The following CDKL5 variants were observed in gnomAD, a reference collection of about 807,000 sequenced individuals.
CDKL5 encodes cyclin dependent kinase like 5, also known as cyclin-dependent kinase-like 5.
CDKL5 carries 8 observed loss-of-function variants against 61.7 expected under a neutral mutation model. That is an observed-to-expected ratio of 0.13 (90% CI 0.08 to 0.23). CDKL5 has a LOEUF of 0.23. CDKL5 is among the 10% of genes least tolerant of loss of function. The pLI is 1.00. For synonymous variants in CDKL5, 275 were observed against 272.3 expected (o/e 1.01, Z -0.10); for missense variants, 440 against 734.5 (o/e 0.60, Z 4.63).
At position 18,454,890 on chromosome X, in the gene CDKL5, A is replaced by ATTT. The variant is rs759341960; in HGVS notation, c.-163+29213_-163+29215dup. ...CATCACTATAATAGTTCTCAAGTGT[A>ATTT]TTTTTTTTTTTTTTTTTTTTGAGAC... is the stretch of plus-strand genomic sequence containing the variant. On this transcript the variant is annotated intron_variant, in intron 1 of 17. Transcript: ENST00000623535. 2.7e-4 allele frequency among the ~76,000 whole-genome samples: 22 copies of ATTT among 80,273 alleles called. 1 individual carries two copies. The highest frequency in any genetic ancestry group is 1.8e-3 in the South Asian group (3 of 1,710). The allele number at this position is 80,273 out of a possible 115,157, so 69.7% of individuals were successfully genotyped here. A position where few individuals can be genotyped will look rare whatever the true frequency, so the allele number is the denominator to read the frequency against.
Position 18,632,091 on chromosome X carries a change from T to C in CDKL5, c.*3334T>C. 1.3e-6 allele frequency: 1 copy of C among 749,130 alleles called. No homozygotes were observed. The highest frequency in any genetic ancestry group is 1.6e-6 in the Non-Finnish European group (1 of 634,640). 61.7% of individuals were successfully genotyped at this position (749,130 alleles called of 1,213,427 possible). A position where few individuals can be genotyped will look rare whatever the true frequency, so the allele number is the denominator to read the frequency against. ...GCCCCAAGCACTACTAGTGCTGAGG[T>C]TGAGAAACCCTGCCCTACACCATCC... is the stretch of plus-strand genomic sequence containing the variant. On this transcript the variant is annotated 3_prime_UTR_variant, in exon 18 of 18. Coordinates refer to ENST00000623535, the MANE Select transcript of CDKL5 (RefSeq NM_001323289.2).
At chrX:18,538,588 T>A (rs1323908808) in intron 3 of CDKL5, among the ~76,000 whole-genome samples, 3 of 112,010 alleles carry the variant, frequency 2.7e-5, no homozygotes, top group Admixed American at 9.5e-5. Context: ...ATGATCTATT[T>A]TGTCAATTTT....
At chrX:18,510,759 G>C (rs1470112580) in intron 2 of CDKL5, 61 bp from the exon 3 acceptor site, 4 of 923,984 alleles carry the variant, frequency 4.3e-6, no homozygotes, top group Non-Finnish European at 6.3e-6. Context: ...AGCAATGTCA[G>C]TATAGCAGAG....
chrX:18,644,334 G>T, downstream of CDKL5: 1 of 751,233 alleles, frequency 1.3e-6, no homozygotes, highest in Non-Finnish European at 2.1e-6. Context: ...CTGTGGAGTC[G>T]GTGCTCTGAC....
At chrX:18,622,751 A>G (rs1926926815) in intron 16 of CDKL5, among the ~76,000 whole-genome samples, 1 of 111,318 alleles carries the variant, frequency 9.0e-6, no homozygotes, top group Non-Finnish European at 1.9e-5. Context: ...CACATAATCA[A>G]CTGGGAGAAC....
intron 1 of CDKL5, among the ~76,000 whole-genome samples, chrX:18,484,714 C>A (rs1486609559): frequency 9.1e-6 from 1 of 110,366 alleles, no homozygotes; most frequent in East Asian, 2.8e-4. Flanking sequence ...GTTTTTGACA[C>A]AGGATCTCAA....
intron 15 of CDKL5, 27 bp from the exon 16 acceptor site, chrX:18,619,840 A>G (rs1383762772): frequency 2.1e-6 from 2 of 968,857 alleles, no homozygotes; most frequent in South Asian, 2.0e-5. Context: ...TGAAAAATCA[A>G]TATGATAAAA....
At chrX:18,644,430 C>T (rs762407219), downstream of CDKL5, 32 of 1,208,947 alleles carry the variant, frequency 2.6e-5, no homozygotes, top group South Asian at 5.5e-4. Flanking sequence ...CCCAACTTAC[C>T]CGGTTGTTTC....
At chrX:18,429,338 C>A (rs1240785932) in intron 1 of CDKL5, among the ~76,000 whole-genome samples, 1 of 111,409 alleles carries the variant, frequency 9.0e-6, no homozygotes, top group Non-Finnish European at 1.9e-5. Flanking sequence ...TGTGGTCTCT[C>A]TTTTGGGCAG....
At chrX:18,503,629 C>G (rs1922465700) in intron 1 of CDKL5, among the ~76,000 whole-genome samples, 1 of 112,771 alleles carries the variant, frequency 8.9e-6, no homozygotes, top group Admixed American at 9.4e-5. Flanking sequence ...TTTGAATTTT[C>G]TATGAGGTAA....
intron 4 of CDKL5, among the ~76,000 whole-genome samples, chrX:18,567,092 A>G (rs907219682): frequency 2.7e-5 from 3 of 112,085 alleles, no homozygotes; most frequent in Admixed American, 9.5e-5. Flanking sequence ...CCAGGGAGAT[A>G]CTAGTACTCT....
chrX:18,442,341 A>G (rs1364227623), intron 1 of CDKL5: 2 of 110,973 alleles, frequency 1.8e-5, no homozygotes, highest in African/African-American at 6.6e-5. Context: ...TCACGCATTT[A>G]CTGACTCTTC....
chrX:18,504,155 G>GTGTGAT (rs1331929800), intron 1 of CDKL5, among the ~76,000 whole-genome samples: 1 of 111,152 alleles, frequency 9.0e-6, no homozygotes, highest in African/African-American at 3.3e-5. Flanking sequence ...GCCCAGGCTA[G>GTGTGAT]TGTCCGGTGG....
chrX:18,582,085 C>T lies in CDKL5; in HGVS notation c.463+135C>T, dbSNP rs1183361320. On this transcript the variant is annotated intron_variant, in intron 7 of 17. Transcript: ENST00000623535. ...GGTAGAGGAACATTCTTTTGAGTCACATGTTGAAAAATTGATTGCTGGAGG... is the reference window on the plus strand; with the variant it reads ...GGTAGAGGAACATTCTTTTGAGTCATATGTTGAAAAATTGATTGCTGGAGG... The T allele has an allele frequency of 9.7e-6, 5 of 517,214 alleles. No homozygotes were observed. The East Asian group carries it at 1.4e-4, about 15-fold the overall frequency. The allele number at this position is 517,214 out of a possible 1,213,427, so 42.6% of individuals were successfully genotyped here.
chrX:18,626,664 C>T (rs930168079), intron 17 of CDKL5: 7 of 10,632 alleles, frequency 6.6e-4, no homozygotes, highest in Non-Finnish European at 1.3e-3. Context: ...AAGAAGCCCT[C>T]TCTCTCTCTC....
intron 3 of CDKL5, among the ~76,000 whole-genome samples, chrX:18,527,062 C>T (rs906053656): frequency 6.9e-4 from 77 of 112,057 alleles, no homozygotes; most frequent in African/African-American, 2.4e-3. Flanking sequence ...GGATTACAGG[C>T]GTGAGCCACC....
chrX:18,590,640 T>C (rs1213281828), intron 9 of CDKL5, among the ~76,000 whole-genome samples: 8 of 111,648 alleles, frequency 7.2e-5, no homozygotes. Context: ...GTTTGTTGTT[T>C]CTCCTTTTAT....
Position 18,636,136 on chromosome X carries a change from G to C in CDKL5, c.*7379G>C, listed in dbSNP as rs1322078208. 9.1e-6 allele frequency: 1 copy of C among 110,472 alleles called. No individual in the cohort carries two copies. The highest frequency in any genetic ancestry group is 3.3e-5 in the African/African-American group (1 of 30,374). 9.1% of individuals were successfully genotyped at this position (110,472 alleles called of 1,213,427 possible). On this transcript the variant is annotated 3_prime_UTR_variant, in exon 18 of 18. Coordinates refer to ENST00000623535, the MANE Select transcript of CDKL5 (RefSeq NM_001323289.2). Reference sequence around the variant, plus strand: ...TCTTTCTCTTTCTAAACAAAGGGTAGGAGCTGAAAGTCAGTGCTCTCCATT... The same window carrying C: ...TCTTTCTCTTTCTAAACAAAGGGTACGAGCTGAAAGTCAGTGCTCTCCATT...
chrX:18,647,453 G>A, intron 20 of CDKL5: 1 of 724,759 alleles, frequency 1.4e-6, no homozygotes, highest in South Asian at 2.3e-5. Context: ...GGCTTTACCT[G>A]TCTCTGTGGT....
Sources: gnomAD v4.1 joint callset for allele counts (sites outside exome capture counted in the v4.1 genomes callset) on GRCh38, gnomAD v4.1.1 for gene constraint, MANE v1.5 for transcripts, NCBI Gene and HGNC (gene_info 2026-07-23, HGNC 2026-07-21) for gene names.